Variants in LHFPL6 observed in about 807,000 individuals in gnomAD.
The protein encoded by LHFPL6 is LHFPL tetraspan subfamily member 6, also known as LHFPL tetraspan subfamily member 6 protein.
A neutral mutation model predicts 20.6 loss-of-function variants in LHFPL6; 9 were observed. The ratio of observed to expected loss-of-function variants is 0.44; its 90% CI spans 0.26 to 0.76. The LOEUF is 0.76. Among genes scored for constraint, LHFPL6 ranks in the 30% least tolerant of loss-of-function variants. LHFPL6 has a pLI of 0.20. For synonymous variants in LHFPL6, 105 were observed against 98.7 expected (o/e 1.06, Z -0.38); for missense variants, 218 against 253.5 (o/e 0.86, Z 0.95).
chr13:39,601,684 T>C (rs1872953971), intron 1 of LHFPL6, among the ~76,000 whole-genome samples: 1 of 152,218 alleles, frequency 6.6e-6, no homozygotes, highest in Non-Finnish European at 1.5e-5. Flanking sequence ...CTATATATTA[T>C]ATACTCACAT....
chr13:39,546,561 T>TCTGGGTTTTACAACCCTCCAG lies in LHFPL6; in HGVS notation c.385+54250_385+54270dup, dbSNP rs1368147082. On this transcript the variant is annotated intron_variant, in intron 2 of 3. Transcript: ENST00000379589. ...CAGAAACTTTAGGATAAACCAGCCA[T>TCTGGGTTTTACAACCCTCCAG]CTGGGTTTTACAACCCTCCAGCTGG... 2.0e-5 allele frequency among the ~76,000 whole-genome samples: 3 copies of TCTGGGTTTTACAACCCTCCAG among 152,130 alleles called. 1 individual carries two copies. Among genetic ancestry groups the TCTGGGTTTTACAACCCTCCAG allele is most frequent in the African/African-American group, 7.2e-5 (3 of 41,394 alleles).
rs116798245 is a variant in LHFPL6, at chr13:39,425,531, C to T, written c.386-47005G>A. Among the ~76,000 whole-genome samples, 1,476 of 152,264 alleles carry T rather than the reference C, an allele frequency of 9.7e-3. 27 individuals carry two copies. Among genetic ancestry groups the T allele is most frequent in the African/African-American group, 0.033 (1,366 of 41,542 alleles). ...TATGAGAACTCCAGTTCATCCTCGC[C>T]CATATTTTGTATGGTTTTCCTTTCT... is the stretch of plus-strand genomic sequence containing the variant. On this transcript the variant is annotated intron_variant, in intron 2 of 3. Transcript: ENST00000379589.
chr13:39,513,097 T>A (rs1869781893), intron 2 of LHFPL6, among the ~76,000 whole-genome samples: 1 of 152,246 alleles, frequency 6.6e-6, no homozygotes, highest in African/African-American at 2.4e-5. Context: ...ATTTTCTGAA[T>A]AATAGCAAAT....
chr13:39,407,611 G>C (rs1871145913), intron 2 of LHFPL6, among the ~76,000 whole-genome samples: 2 of 152,070 alleles, frequency 1.3e-5, no homozygotes, highest in Admixed American at 6.6e-5. Context: ...GCCTGTAATG[G>C]AAAAAATATC....
intron 2 of LHFPL6, among the ~76,000 whole-genome samples, chr13:39,493,251 C>A (rs1297005500): frequency 1.4e-5 from 2 of 147,760 alleles, no homozygotes; most frequent in African/African-American, 5.0e-5. Context: ...GGCAGATCAC[C>A]TGAAGTCAGG....
chr13:39,395,684 ACTCCC>A (rs1482468091), intron 2 of LHFPL6, among the ~76,000 whole-genome samples: 2 of 151,466 alleles, frequency 1.3e-5, no homozygotes, highest in African/African-American at 4.9e-5. Flanking sequence ...ACTGGCTGTG[ACTCCC>A]TCTGTTTCAG....
intron 2 of LHFPL6, among the ~76,000 whole-genome samples, chr13:39,404,152 T>G (rs1260562975): frequency 6.6e-6 from 1 of 152,212 alleles, no homozygotes; most frequent in Non-Finnish European, 1.5e-5. Context: ...GAATTTTGTT[T>G]GAAATTTACA....
intron 2 of LHFPL6, among the ~76,000 whole-genome samples, chr13:39,467,763 C>G (rs1470547751): frequency 2.0e-5 from 3 of 152,188 alleles, no homozygotes; most frequent in Non-Finnish European, 4.4e-5. Context: ...GAATTATTTA[C>G]TAATCATTGT....
chr13:39,401,822 TA>T (rs1870998100), intron 2 of LHFPL6, among the ~76,000 whole-genome samples: 1 of 152,224 alleles, frequency 6.6e-6, no homozygotes, highest in Non-Finnish European at 1.5e-5. Context: ...TGCTCCCCAG[TA>T]ATGCCCTTAA....
At chr13:39,585,160 T>G (rs907643746) in intron 2 of LHFPL6, among the ~76,000 whole-genome samples, 14 of 152,242 alleles carry the variant, frequency 9.2e-5, no homozygotes, top group Admixed American at 9.2e-4. Flanking sequence ...ATTAGAGGCA[T>G]GTGCTTTAAT....
chr13:39,429,277 TTTA>T (rs1444810454), intron 2 of LHFPL6, among the ~76,000 whole-genome samples: 1 of 152,138 alleles, frequency 6.6e-6, no homozygotes, highest in Non-Finnish European at 1.5e-5. Flanking sequence ...TCCTTGCAGT[TTTA>T]TTAATTTTTG....
chr13:39,567,537 G>A (rs1326989072), intron 2 of LHFPL6, among the ~76,000 whole-genome samples: 3 of 152,044 alleles, frequency 2.0e-5, no homozygotes, highest in African/African-American at 7.2e-5. Context: ...TACGCTTTGT[G>A]GGCCACATAA....
intron 2 of LHFPL6, among the ~76,000 whole-genome samples, chr13:39,388,595 G>C (rs1423713758): frequency 1.3e-5 from 2 of 152,088 alleles, no homozygotes; most frequent in African/African-American, 4.8e-5. Context: ...TCTGTAAAAT[G>C]GGGGAAAATT....
intron 2 of LHFPL6, among the ~76,000 whole-genome samples, chr13:39,380,192 A>C (rs1320148822): frequency 3.3e-5 from 5 of 152,260 alleles, no homozygotes; most frequent in Non-Finnish European, 7.3e-5. Context: ...CATGTCTGCG[A>C]TACTCAGTTC....
chr13:39,540,695 T>C (rs1255192779), intron 2 of LHFPL6, among the ~76,000 whole-genome samples: 2 of 152,172 alleles, frequency 1.3e-5, no homozygotes, highest in Admixed American at 6.5e-5. Context: ...TAGGCTTCCA[T>C]TGGACAATAC....
intron 2 of LHFPL6, among the ~76,000 whole-genome samples, chr13:39,468,648 C>T (rs945713850): frequency 6.6e-6 from 1 of 152,054 alleles, no homozygotes; most frequent in Admixed American, 6.5e-5. Context: ...TATTCATATC[C>T]CCAGGAAATG....
chr13:39,362,524 G>A (rs1869900281), intron 3 of LHFPL6, among the ~76,000 whole-genome samples: 1 of 152,204 alleles, frequency 6.6e-6, no homozygotes, highest in African/African-American at 2.4e-5. Context: ...AATCAGTGGG[G>A]ACTTTTACTC....
chr13:39,442,386 A>T (rs960957425), intron 2 of LHFPL6, among the ~76,000 whole-genome samples: 2 of 152,212 alleles, frequency 1.3e-5, no homozygotes, highest in African/African-American at 4.8e-5. Flanking sequence ...TATGTTTAAT[A>T]CTTACATTGC....
intron 2 of LHFPL6, among the ~76,000 whole-genome samples, chr13:39,558,485 A>G (rs1871375479): frequency 1.3e-5 from 2 of 152,162 alleles, no homozygotes; most frequent in Admixed American, 1.3e-4. Context: ...GCGCTTCTTT[A>G]TTTTTCATCA....
Sources: gnomAD v4.1 joint callset for allele counts (sites outside exome capture counted in the v4.1 genomes callset) on GRCh38, gnomAD v4.1.1 for gene constraint, MANE v1.5 for transcripts, NCBI Gene and HGNC (gene_info 2026-07-23, HGNC 2026-07-21) for gene names.